Variants in CMSS1 observed in about 807,000 individuals in gnomAD.
The protein encoded by CMSS1 is protein CMSS1.
In CMSS1, 33 loss-of-function variants were observed where a neutral mutation model predicts 43.5. The ratio of observed to expected loss-of-function variants is 0.76; its 90% CI spans 0.57 to 1.01. The LOEUF (loss-of-function observed/expected upper bound fraction) is 1.01. Ranked by LOEUF, CMSS1 falls within the 50% of genes least tolerant of loss-of-function variation. The pLI is 0.00. For synonymous variants in CMSS1, 115 were observed against 117.2 expected (o/e 0.98, Z 0.12); for missense variants, 313 against 326.4 (o/e 0.96, Z 0.32).
intron 1 of CMSS1, among the ~76,000 whole-genome samples, chr3:100,104,146 A>G (rs2066355906): frequency 6.6e-6 from 1 of 152,166 alleles, no homozygotes; most frequent in South Asian, 2.1e-4. Flanking sequence ...GGTTACAATG[A>G]GAGTGGCCCT....
At chr3:100,000,644 G>T (rs1709816063) in intron 1 of CMSS1, among the ~76,000 whole-genome samples, 1 of 152,200 alleles carries the variant, frequency 6.6e-6, no homozygotes, top group Non-Finnish European at 1.5e-5. Context: ...GGGCCCAGGA[G>T]TTCAAGGCCA....
chr3:100,077,667 A>G (rs2065870621), intron 1 of CMSS1, among the ~76,000 whole-genome samples: 1 of 152,184 alleles, frequency 6.6e-6, no homozygotes, highest in Non-Finnish European at 1.5e-5. Context: ...TCACACCTAT[A>G]ATCACAGTGA....
chr3:99,867,058 T>C (rs1393730876), intron 1 of CMSS1, among the ~76,000 whole-genome samples: 1 of 152,200 alleles, frequency 6.6e-6, no homozygotes, highest in East Asian at 1.9e-4. Flanking sequence ...ATACTTCCTT[T>C]CCTGTAAGTT....
intron 2 of CMSS1, among the ~76,000 whole-genome samples, chr3:100,148,216 C>A (rs980837953): frequency 1.3e-5 from 2 of 152,072 alleles, no homozygotes; most frequent in East Asian, 3.9e-4. Flanking sequence ...GCAGCTGGGA[C>A]TATCGATGTG....
intron 1 of CMSS1, among the ~76,000 whole-genome samples, chr3:100,033,647 T>C (rs1346542884): frequency 2.0e-5 from 3 of 152,162 alleles, no homozygotes; most frequent in African/African-American, 7.2e-5. Context: ...GCTTTTTAAA[T>C]GGTCAGTAGG....
At chr3:99,906,347 G>A (rs1371627412) in intron 1 of CMSS1, among the ~76,000 whole-genome samples, 1 of 152,000 alleles carries the variant, frequency 6.6e-6, no homozygotes, top group East Asian at 1.9e-4. Context: ...CTTCAAGTCT[G>A]TTTCTTTTAT....
At chr3:100,010,258 A>C in intron 1 of CMSS1, 1 of 355,618 alleles carries the variant, frequency 2.8e-6, no homozygotes, top group Non-Finnish European at 3.9e-6. Flanking sequence ...CCCCCACAAC[A>C]TTGTCCTTAG....
chr3:99,870,143 G>T (rs765932507), intron 1 of CMSS1, among the ~76,000 whole-genome samples: 3 of 152,148 alleles, frequency 2.0e-5, no homozygotes, highest in Non-Finnish European at 4.4e-5. Flanking sequence ...TCTTTATTGA[G>T]TACTGAGAAA....
intron 1 of CMSS1, among the ~76,000 whole-genome samples, chr3:100,078,353 C>G (rs558040866): frequency 6.6e-6 from 1 of 152,106 alleles, no homozygotes; most frequent in Non-Finnish European, 1.5e-5. Flanking sequence ...TTTTCTGTTA[C>G]AGTTCTTACA....
At chr3:99,923,012 G>A (rs927521362) in intron 1 of CMSS1, among the ~76,000 whole-genome samples, 2 of 151,754 alleles carry the variant, frequency 1.3e-5, no homozygotes, top group East Asian at 1.9e-4. Context: ...GGTGCTATTT[G>A]ACTGTTCACT....
chr3:100,095,792 G>A (rs1232450046), intron 1 of CMSS1, among the ~76,000 whole-genome samples: 1 of 152,100 alleles, frequency 6.6e-6, no homozygotes, highest in African/African-American at 2.4e-5. Context: ...AACTTAAAAA[G>A]CTTCTGCCCA....
At chr3:100,125,774 A>G (rs1244860046) in intron 1 of CMSS1, among the ~76,000 whole-genome samples, 1 of 152,208 alleles carries the variant, frequency 6.6e-6, no homozygotes, top group East Asian at 1.9e-4. Context: ...TACAAAAAGG[A>G]AAAACTCTGT....
chr3:100,024,528 G>A (rs1576649893), intron 1 of CMSS1, among the ~76,000 whole-genome samples: 1 of 152,146 alleles, frequency 6.6e-6, no homozygotes, highest in East Asian at 1.9e-4. Flanking sequence ...CCTTTCATAG[G>A]AAGCAACTGT....
intron 1 of CMSS1, among the ~76,000 whole-genome samples, chr3:99,862,477 T>C (rs567851201): frequency 6.6e-5 from 10 of 152,246 alleles, no homozygotes; most frequent in African/African-American, 2.4e-4. Flanking sequence ...TAGGTCAGAG[T>C]TTCTCAGCCT....
chr3:99,913,204 C>G (rs1283533053), intron 1 of CMSS1, among the ~76,000 whole-genome samples: 1 of 152,184 alleles, frequency 6.6e-6, no homozygotes, highest in Non-Finnish European at 1.5e-5. Flanking sequence ...TACAAGCCAC[C>G]CAATCTCTGG....
At chr3:99,952,327 G>A (rs1263419020) in intron 1 of CMSS1, among the ~76,000 whole-genome samples, 1 of 152,144 alleles carries the variant, frequency 6.6e-6, no homozygotes, top group Non-Finnish European at 1.5e-5. Context: ...TTCATAATGA[G>A]CAAATTATCA....
intron 2 of CMSS1, among the ~76,000 whole-genome samples, chr3:100,149,702 G>C (rs2066886312): frequency 6.6e-6 from 1 of 152,060 alleles, no homozygotes; most frequent in African/African-American, 2.4e-5. Context: ...CTTATCCCCA[G>C]GAGACTCACC....
At chr3:99,921,381 A>C (rs1241429700) in intron 1 of CMSS1, among the ~76,000 whole-genome samples, 4 of 152,170 alleles carry the variant, frequency 2.6e-5, no homozygotes, top group Admixed American at 6.5e-5. Flanking sequence ...GATAGAAGTC[A>C]GTTATGCCTC....
chr3:99,939,027 T>G (rs1017630452), intron 1 of CMSS1, among the ~76,000 whole-genome samples: 3 of 152,200 alleles, frequency 2.0e-5, no homozygotes, highest in Non-Finnish European at 2.9e-5. Context: ...TTAGTGATAT[T>G]TTTCCTTGTA....
Sources: allele counts gnomAD v4.1 joint callset (sites outside exome capture counted in the v4.1 genomes callset), GRCh38; gene constraint gnomAD v4.1.1; transcripts MANE v1.5; gene names NCBI Gene and HGNC (gene_info 2026-07-23, HGNC 2026-07-21).